DNAI1: variants seen among roughly 807,000 people sequenced by gnomAD.
DNAI1 encodes the protein dynein axonemal intermediate chain 1, also known as dynein, axonemal, intermediate polypeptide 1.
Under a neutral mutation model 92.0 loss-of-function variants are expected in DNAI1, and 67 were observed. That is an observed-to-expected ratio of 0.73 (90% CI 0.60 to 0.89). DNAI1 has a LOEUF of 0.89. Ranked by LOEUF, DNAI1 falls within the 40% of genes least tolerant of loss-of-function variation. DNAI1 has a pLI of 0.00. For synonymous variants in DNAI1, 323 were observed against 319.6 expected, an observed-to-expected ratio of 1.01 and a Z score of -0.11; for missense variants, 839 against 866.6, an observed-to-expected ratio of 0.97 and a Z score of 0.40.
intron 4 of DNAI1, among the ~76,000 whole-genome samples, chr9:34,487,676 A>G (rs1389488540): frequency 6.6e-6 from 1 of 152,000 alleles, no homozygotes; most frequent in African/African-American, 2.4e-5. Context: ...GACCATGGGA[A>G]GCACACTACA....
At position 34,514,482 on chromosome 9, in the gene DNAI1, C is replaced by T. The variant is rs1483323548; in HGVS notation, c.1658C>T (p.Thr553Ile). 6.2e-7 allele frequency: 1 copy of T among 1,614,234 alleles called. No individual in the cohort carries two copies. The change falls in exon 17 of 20, where the codon ACC becomes ATC. Residue 553 changes from threonine to isoleucine, a missense_variant. Physicochemically the swap from Thr to Ile is moderately conservative, Grantham distance 89. Coordinates refer to ENST00000242317, the MANE Select transcript of DNAI1 (RefSeq NM_012144.4). ...ACTGTGTCCTGGAACCCATACCACA[C>T]CAAGGTCTTCATGTCCTGCAGCTCC... ...VDTVSWNPYH[T>I]KVFMSCSSDW...
At chr9:34,519,727 G>GC (rs756778709) in intron 19 of DNAI1, among the ~76,000 whole-genome samples, 3 of 152,198 alleles carry the variant, frequency 2.0e-5, no homozygotes, top group African/African-American at 7.2e-5. Context: ...TACAGCCCTG[G>GC]CCAGACCAAG....
In DNAI1 at chr9:34,511,516, C is replaced by A. The variant is rs7021681; in HGVS notation, c.1312-593C>A. The stretch of plus-strand genomic sequence containing the variant: ...CGGGGGCCTGCTCCTCTTCACCCCC[C>A]ACTAGCAAGCAGGGAAAGGCCCCTG... On this transcript the variant is annotated intron_variant, in intron 13 of 19. Transcript: ENST00000242317. 5.3e-5 allele frequency among the ~76,000 whole-genome samples: 8 copies of A among 152,180 alleles called. No individual in the cohort carries two copies. In the South Asian group the frequency reaches 1.0e-3, roughly 20 times the overall value.
chr9:34,497,333 G>T (rs943734112), intron 10 of DNAI1, 134 bp downstream of exon 10: 16 of 725,528 alleles, frequency 2.2e-5, no homozygotes, highest in Non-Finnish European at 3.5e-5. Flanking sequence ...CTGTCCTCTG[G>T]ATGTCACTGG....
Position 34,506,643 on chromosome 9 carries a change from G to A in DNAI1, c.1080G>A (p.Gln360=). The change falls in exon 13 of 20, where the codon CAG becomes CAA. Residue 360 remains glutamine (Q), a synonymous_variant. Transcript: ENST00000242317. ...CCTGGGTAGATGACTTCATGAAGCA[G>A]AGCCGGGGCATGCTGCTGCTCTACA... ...VGYGSYDFMK[Q]SRGMLLLYSL... is the part of the protein sequence containing the mutation. 1 of 1,614,220 alleles carries A rather than the reference G, an allele frequency of 6.2e-7. No homozygotes were observed. The highest frequency in any genetic ancestry group is 8.5e-7 in the Non-Finnish European group (1 of 1,180,042).
chr9:34,472,496 C>A lies in DNAI1; in HGVS notation c.49-10952C>A, dbSNP rs545284127. Among the ~76,000 whole-genome samples the A allele has an allele frequency of 3.3e-5, 5 of 152,300 alleles. No homozygotes were observed. The South Asian group carries it at 1.0e-3, about 32-fold the overall frequency. On this transcript the variant is annotated intron_variant, in intron 1 of 19. Transcript: ENST00000242317. Reference sequence around the variant, plus strand: ...GGGGCTGGTCTTGTATTCTCTTTTCCAGCATTCTGAGCACTGTGCTAACAC... The same window carrying A: ...GGGGCTGGTCTTGTATTCTCTTTTCAAGCATTCTGAGCACTGTGCTAACAC...
intron 6 of DNAI1, 99 bp from the exon 7 acceptor site, chr9:34,490,270 C>T (rs1824560836): frequency 6.2e-7 from 1 of 1,609,938 alleles, no homozygotes; most frequent in South Asian, 1.1e-5. Flanking sequence ...ATCACTCTCT[C>T]CTACCTCTGT....
At chr9:34,474,637 C>T (rs1304804681) in intron 1 of DNAI1, among the ~76,000 whole-genome samples, 6 of 143,044 alleles carry the variant, frequency 4.2e-5, no homozygotes, top group East Asian at 2.0e-4. Flanking sequence ...GGTGCAATCT[C>T]GGCTCACTGC....
chr9:34,485,074 A>G, intron 2 of DNAI1, 68 bp from the exon 3 acceptor site: 2 of 1,512,158 alleles, frequency 1.3e-6, no homozygotes, highest in East Asian at 4.5e-5. Context: ...TTGTGAATGA[A>G]GGGGCTTTCT....
chr9:34,490,849 G>A (rs575823467), intron 7 of DNAI1, among the ~76,000 whole-genome samples: 3 of 152,230 alleles, frequency 2.0e-5, no homozygotes, highest in Non-Finnish European at 4.4e-5. Context: ...GATGATCTCT[G>A]TGATAGACCA....
At chr9:34,483,504 C>T in intron 2 of DNAI1, 24 bp downstream of exon 2, 1 of 1,606,200 alleles carries the variant, frequency 6.2e-7, no homozygotes, top group Non-Finnish European at 8.5e-7. Context: ...CTACCATGGT[C>T]TCTCAGCAAG....
chr9:34,497,247 T>C (rs760600681), intron 10 of DNAI1, 48 bp downstream of exon 10: 1 of 1,503,712 alleles, frequency 6.7e-7, no homozygotes, highest in South Asian at 1.1e-5. Flanking sequence ...GTATTAAAAA[T>C]TTCTCATAAA....
chr9:34,485,607 C>G, intron 4 of DNAI1, 90 bp downstream of exon 4: 1 of 1,240,670 alleles, frequency 8.1e-7, no homozygotes, highest in Non-Finnish European at 1.2e-6. Context: ...CTCAGTAATT[C>G]TAGAGGAGAG....
At chr9:34,476,499 G>A (rs1051292369) in intron 1 of DNAI1, among the ~76,000 whole-genome samples, 1 of 152,218 alleles carries the variant, frequency 6.6e-6, no homozygotes, top group African/African-American at 2.4e-5. Context: ...GCCAAGTTAG[G>A]AGGGGTGTTA....
rs761059350 is a variant in DNAI1, at chr9:34,513,176, G to A, written c.1554G>A (p.Glu518=). 1 of 1,614,112 alleles carries A rather than the reference G, an allele frequency of 6.2e-7. No individual in the cohort carries two copies. The highest frequency in any genetic ancestry group is 1.1e-5 in the South Asian group (1 of 91,078). ...IDYMFLVGTE[E]GKIYKCSKSY... is the part of the protein sequence containing the mutation. ...ACATGTTCCTAGTGGGCACAGAGGA[G>A]GGAAAAATCTACAAGGTGAGGCTGC... The change falls in exon 16 of 20, where the codon GAG becomes GAA. Residue 518 remains glutamate (E), a synonymous_variant. Transcript: ENST00000242317.
At chr9:34,519,447 G>A (rs1304578469) in intron 19 of DNAI1, among the ~76,000 whole-genome samples, 2 of 152,176 alleles carry the variant, frequency 1.3e-5, no homozygotes, top group African/African-American at 4.8e-5. Context: ...CCCAGGGGAT[G>A]GGGTGAAGCC....
intron 1 of DNAI1, among the ~76,000 whole-genome samples, chr9:34,477,169 C>T (rs767262150): frequency 8.5e-5 from 13 of 152,056 alleles, no homozygotes; most frequent in Non-Finnish European, 1.2e-4. Flanking sequence ...GCACACACCA[C>T]CACACCCAAC....
chr9:34,479,055 A>G (rs1470623441), intron 1 of DNAI1: 1 of 152,384 alleles, frequency 6.6e-6, no homozygotes, highest in Non-Finnish European at 1.5e-5. Flanking sequence ...TTTGTTAGGC[A>G]GAGATAGTGG....
chr9:34,498,435 G>A (rs944437229), intron 10 of DNAI1, among the ~76,000 whole-genome samples: 1 of 152,206 alleles, frequency 6.6e-6, no homozygotes, highest in Non-Finnish European at 1.5e-5. Context: ...CATCACCTAA[G>A]CACTTCGCCG....
Sources: allele counts gnomAD v4.1 joint callset (sites outside exome capture counted in the v4.1 genomes callset), GRCh38; gene constraint gnomAD v4.1.1; transcripts MANE v1.5; gene names NCBI Gene and HGNC (gene_info 2026-07-23, HGNC 2026-07-21).